The following IRAK1BP1 variants were observed in gnomAD, a reference collection of about 807,000 sequenced individuals.
The protein encoded by IRAK1BP1 is interleukin 1 receptor associated kinase 1 binding protein 1.
In IRAK1BP1, 24 loss-of-function variants were observed where a neutral mutation model predicts 28.0. The ratio of observed to expected loss-of-function variants is 0.86; its 90% CI spans 0.62 to 1.20. IRAK1BP1 has a LOEUF of 1.20. Ranked by LOEUF, IRAK1BP1 falls within the 50% of genes most tolerant of loss-of-function variation. The pLI, the probability that IRAK1BP1 is intolerant of heterozygous loss-of-function variation, is 0.00. For synonymous variants in IRAK1BP1, 131 were observed against 116.3 expected (o/e 1.13, Z -0.81); for missense variants, 336 against 316.7 (o/e 1.06, Z -0.46).
At chr6:78,949,529 A>C (rs1774023777), downstream of IRAK1BP1, among the ~76,000 whole-genome samples, 1 of 151,908 alleles carries the variant, frequency 6.6e-6, no homozygotes, top group Non-Finnish European at 1.5e-5. Context: ...ATAAGCTGTT[A>C]ACTGTGACCT....
chr6:78,880,321 G>A (rs1417541270), intron 1 of IRAK1BP1, among the ~76,000 whole-genome samples: 1 of 152,124 alleles, frequency 6.6e-6, no homozygotes, highest in Non-Finnish European at 1.5e-5. Flanking sequence ...TCTCCAAAGA[G>A]CATTTTCTTT....
At chr6:78,966,133 T>A in the IRAK1BP1 span, 3 of 871,158 alleles carry the variant, frequency 3.4e-6, no homozygotes, top group Non-Finnish European at 5.9e-6. Flanking sequence ...CGTTAACCTT[T>A]AAGTACCTAA....
downstream of IRAK1BP1, among the ~76,000 whole-genome samples, chr6:78,906,442 T>G (rs899067027): frequency 6.6e-6 from 1 of 152,212 alleles, no homozygotes; most frequent in Non-Finnish European, 1.5e-5. Context: ...ACAAAATTGT[T>G]TGCCCCCATT....
intron 4 of IRAK1BP1, among the ~76,000 whole-genome samples, chr6:78,941,824 G>A (rs2127678380): frequency 6.6e-6 from 1 of 152,202 alleles, no homozygotes; most frequent in Middle Eastern, 3.4e-3. Flanking sequence ...CACTATGTGT[G>A]CCACCATTAT....
In IRAK1BP1 at chr6:78,901,202, G is replaced by A. The variant is rs544750736; in HGVS notation, c.*2868G>A. The A allele has an allele frequency of 2.0e-5, 3 of 149,526 alleles. No homozygotes were observed. Among genetic ancestry groups the A allele is most frequent in the East Asian group, 3.9e-4 (2 of 5,088 alleles). 9.3% of individuals were successfully genotyped at this position (149,526 alleles called of 1,614,324 possible). On this transcript the variant is annotated 3_prime_UTR_variant, in exon 4 of 4. Coordinates refer to ENST00000369940, the MANE Select transcript of IRAK1BP1 (RefSeq NM_001010844.4). ...TAAAGACAATTTTTTTTTTAAGTTAGTAGGCACTTTTTAGAATTTCCAGGA... is the reference window on the plus strand; with the variant it reads ...TAAAGACAATTTTTTTTTTAAGTTAATAGGCACTTTTTAGAATTTCCAGGA...
intron 2 of IRAK1BP1, among the ~76,000 whole-genome samples, chr6:78,892,344 C>A (rs1162113131): frequency 6.6e-6 from 1 of 152,114 alleles, no homozygotes; most frequent in Non-Finnish European, 1.5e-5. Context: ...ATAACACATG[C>A]AAGACTGAAT....
chr6:78,914,341 G>A (rs1175165917), intron 4 of IRAK1BP1, among the ~76,000 whole-genome samples: 1 of 152,094 alleles, frequency 6.6e-6, no homozygotes, highest in Admixed American at 6.5e-5. Context: ...CTGAGTTTTG[G>A]TATCATAATA....
At chr6:78,879,091 A>G (rs1042355887) in intron 1 of IRAK1BP1, among the ~76,000 whole-genome samples, 4 of 152,254 alleles carry the variant, frequency 2.6e-5, no homozygotes, top group Admixed American at 1.3e-4. Flanking sequence ...TATCCAGGAG[A>G]ACTTCCCCAA....
intron 4 of IRAK1BP1, among the ~76,000 whole-genome samples, chr6:78,908,199 C>T (rs940131644): frequency 2.6e-5 from 4 of 151,550 alleles, no homozygotes; most frequent in African/African-American, 7.3e-5. Flanking sequence ...TACAGGTGCC[C>T]GCCATCATGC....
rs961203267 is a variant in IRAK1BP1 at position 78,903,075 on chromosome 6, C to T, written c.*4741C>T. 2.0e-6 allele frequency: 3 copies of T among 1,527,796 alleles called. No individual in the cohort carries two copies. Among genetic ancestry groups the T allele is most frequent in the Non-Finnish European group, 1.8e-6 (2 of 1,139,494 alleles). 94.6% of individuals were successfully genotyped at this position (1,527,796 alleles called of 1,614,324 possible). ...CACCTGTGAATTATCATGAATCCCA[C>T]ATCAAATGAACAAATACTGCCTCTG... is the stretch of plus-strand genomic sequence containing the variant. On this transcript the variant is annotated 3_prime_UTR_variant, in exon 4 of 4. Transcript: ENST00000369940.
At chr6:78,955,539 C>T in the IRAK1BP1 span, 6 of 584,344 alleles carry the variant, frequency 1.0e-5, no homozygotes, top group Admixed American at 3.5e-5. Context: ...ACAGCTTTTA[C>T]CTGAAAACTA....
the IRAK1BP1 span, among the ~76,000 whole-genome samples, chr6:78,953,599 C>T: frequency 2.8e-4 from 42 of 152,284 alleles, no homozygotes; most frequent in East Asian, 1.9e-3. Flanking sequence ...CAATTTATCA[C>T]GCCGCTGGAA....
chr6:78,911,809 C>T (rs184632906), intron 4 of IRAK1BP1, among the ~76,000 whole-genome samples: 1 of 152,304 alleles, frequency 6.6e-6, no homozygotes, highest in East Asian at 1.9e-4. Context: ...TCGTCATTTA[C>T]AAGCGAGCAT....
chr6:78,978,779 TA>T, the IRAK1BP1 span: 1 of 1,233,506 alleles, frequency 8.1e-7, no homozygotes, highest in South Asian at 1.4e-5. Flanking sequence ...ATCTACTCTT[TA>T]AAATAACTAT....
intron 4 of IRAK1BP1, among the ~76,000 whole-genome samples, chr6:78,943,647 A>G (rs960432783): frequency 3.9e-5 from 6 of 152,184 alleles, no homozygotes; most frequent in East Asian, 1.9e-4. Context: ...GATCAACATT[A>G]TAAGTACCAC....
At chr6:78,949,860 T>A (rs1774047351), downstream of IRAK1BP1, among the ~76,000 whole-genome samples, 1 of 152,106 alleles carries the variant, frequency 6.6e-6, no homozygotes, top group Admixed American at 6.6e-5. Flanking sequence ...GGTTAATTTT[T>A]GTATTTTTTG....
At chr6:78,947,938 ATTTAT>A (rs1461895814), downstream of IRAK1BP1, among the ~76,000 whole-genome samples, 3 of 139,302 alleles carry the variant, frequency 2.2e-5, no homozygotes, top group South Asian at 2.6e-4. Flanking sequence ...AATAATTCTT[ATTTAT>A]TTCATACTCC....
intron 4 of IRAK1BP1, among the ~76,000 whole-genome samples, chr6:78,934,600 C>T (rs999604563): frequency 2.0e-5 from 3 of 152,148 alleles, no homozygotes; most frequent in Non-Finnish European, 4.4e-5. Context: ...GGAAGCTACA[C>T]ATTAAATGAT....
At position 78,899,538 on chromosome 6, in the gene IRAK1BP1, A is replaced by G. The variant is rs1394971465; in HGVS notation, c.*1204A>G. 6.6e-6 allele frequency: 1 copy of G among 152,224 alleles called. No homozygotes were observed. Among genetic ancestry groups the G allele is most frequent in the African/African-American group, 2.4e-5 (1 of 41,458 alleles). The allele number at this position is 152,224 out of a possible 1,614,324, so 9.4% of individuals were successfully genotyped here. On this transcript the variant is annotated 3_prime_UTR_variant, in exon 4 of 4. Transcript: ENST00000369940. ...CCTTAGAGTGATACAAATACAAAGC[A>G]AACGATATGTGTAATTTAAAATTTC...
Sources: allele counts gnomAD v4.1 joint callset (sites outside exome capture counted in the v4.1 genomes callset), GRCh38; gene constraint gnomAD v4.1.1; transcripts MANE v1.5; gene names NCBI Gene and HGNC (gene_info 2026-07-23, HGNC 2026-07-21).